Variants in CALCR observed in about 807,000 individuals in gnomAD.
The protein encoded by CALCR is calcitonin receptor.
A neutral mutation model predicts 59.5 loss-of-function variants in CALCR; 47 were observed. That is an observed-to-expected ratio of 0.79 (90% CI 0.63 to 1.01). CALCR has a LOEUF of 1.01. Ranked by LOEUF, CALCR falls within the 50% of genes least tolerant of loss-of-function variation. The pLI, the probability that CALCR is intolerant of heterozygous loss-of-function variation, is 0.00. For synonymous variants in CALCR, 213 were observed against 211.3 expected (o/e 1.01, Z -0.07); for missense variants, 566 against 597.1 (o/e 0.95, Z 0.54).
intron 2 of CALCR, among the ~76,000 whole-genome samples, chr7:93,504,400 T>C (rs969677155): frequency 1.3e-5 from 2 of 152,206 alleles, no homozygotes; most frequent in Admixed American, 1.3e-4. Flanking sequence ...GACCATGAGA[T>C]AGTTTCAATA....
At chr7:93,479,122 T>C (rs1324342784) in intron 4 of CALCR, among the ~76,000 whole-genome samples, 1 of 151,856 alleles carries the variant, frequency 6.6e-6, no homozygotes. Flanking sequence ...TACTGAATTA[T>C]TGCGGTAATT....
intron 8 of CALCR, among the ~76,000 whole-genome samples, chr7:93,447,848 A>G (rs1158202415): frequency 1.3e-5 from 2 of 151,994 alleles, no homozygotes; most frequent in Non-Finnish European, 2.9e-5. Flanking sequence ...GGAAGGGACT[A>G]CACACACATT....
chr7:93,473,219 C>T (rs1243628314), intron 5 of CALCR, among the ~76,000 whole-genome samples: 6 of 151,778 alleles, frequency 4.0e-5, no homozygotes, highest in Admixed American at 6.6e-5. Flanking sequence ...TCTCCACCTT[C>T]GCTATGGGGG....
chr7:93,509,656 G>T (rs756270227), intron 2 of CALCR, among the ~76,000 whole-genome samples: 2 of 152,066 alleles, frequency 1.3e-5, no homozygotes, highest in African/African-American at 2.4e-5. Context: ...AAATATAGAA[G>T]TTTCCAGTTT....
At chr7:93,477,310 A>G (rs1387809492) in intron 5 of CALCR, among the ~76,000 whole-genome samples, 2 of 151,900 alleles carry the variant, frequency 1.3e-5, no homozygotes, top group Admixed American at 6.6e-5. Context: ...AGAGTTTTAG[A>G]AAAGCTATTT....
At position 93,481,635 on chromosome 7, in the gene CALCR, G is replaced by A. The variant is rs536928073; in HGVS notation, c.52-2128C>T. On this transcript the variant is annotated intron_variant, in intron 3 of 13. Transcript: ENST00000426151. ...GGAGATGGTAGCAAGCCATCCTAGT[G>A]GAAATATCTTGCAAAGAGAAGAGGG... 3.3e-5 allele frequency among the ~76,000 whole-genome samples: 5 copies of A among 151,832 alleles called. No homozygotes were observed. The South Asian group carries it at 1.0e-3, about 32-fold the overall frequency.
At chr7:93,465,669 G>T (rs940968547) in intron 7 of CALCR, among the ~76,000 whole-genome samples, 5 of 151,792 alleles carry the variant, frequency 3.3e-5, no homozygotes, top group Non-Finnish European at 7.4e-5. Flanking sequence ...ATGCATAGAA[G>T]ATAAATTTTC....
chr7:93,564,463 A>ATT (rs1563022599), intron 2 of CALCR, among the ~76,000 whole-genome samples: 5 of 151,940 alleles, frequency 3.3e-5, no homozygotes, highest in African/African-American at 1.2e-4. Context: ...ACACTTTTAA[A>ATT]AAAAAAAAAA....
chr7:93,513,791 T>C (rs894344630), intron 2 of CALCR, among the ~76,000 whole-genome samples: 13 of 148,026 alleles, frequency 8.8e-5, no homozygotes, highest in Non-Finnish European at 2.0e-4. Context: ...ATATTTGTTT[T>C]TATTTATAAA....
At chr7:93,519,600 G>A (rs1198330440) in intron 2 of CALCR, among the ~76,000 whole-genome samples, 1 of 151,992 alleles carries the variant, frequency 6.6e-6, no homozygotes, top group Non-Finnish European at 1.5e-5. Flanking sequence ...AAATACCTTT[G>A]AAAGACATTT....
At chr7:93,559,203 C>T (rs1193388766) in intron 2 of CALCR, among the ~76,000 whole-genome samples, 7 of 152,060 alleles carry the variant, frequency 4.6e-5, no homozygotes, top group African/African-American at 1.7e-4. Flanking sequence ...ATTAGGCAAG[C>T]TTCTACCACA....
intron 2 of CALCR, among the ~76,000 whole-genome samples, chr7:93,514,170 A>G (rs1801605753): frequency 6.6e-6 from 1 of 152,128 alleles, no homozygotes; most frequent in Non-Finnish European, 1.5e-5. Context: ...TAGGCTGAAT[A>G]TAACTCCTAT....
rs377299582 is a variant in CALCR, at chr7:93,496,008, A to G, written c.-26-9001T>C. On this transcript the variant is annotated intron_variant, in intron 2 of 13. Transcript: ENST00000426151. ...AAATAAAATGAAAATCAGTAAATCA[A>G]TGATAATGATTGAACAGAATGTCTT... 75 of 1,167,750 alleles carry G rather than the reference A, an allele frequency of 6.4e-5. No homozygotes were observed. In the African/African-American group the frequency reaches 1.1e-3, roughly 17 times the overall value. 72.3% of individuals were successfully genotyped at this position (1,167,750 alleles called of 1,614,324 possible). A position where few individuals can be genotyped will look rare whatever the true frequency, so the allele number is the denominator to read the frequency against.
At chr7:93,569,666 A>G (rs1025943281) in intron 2 of CALCR, among the ~76,000 whole-genome samples, 4 of 152,128 alleles carry the variant, frequency 2.6e-5, no homozygotes, top group Non-Finnish European at 5.9e-5. Context: ...AGGATCTGTA[A>G]TCTGTCACAA....
intron 7 of CALCR, 80 bp downstream of exon 7, chr7:93,468,635 C>A: frequency 2.1e-6 from 2 of 941,138 alleles, no homozygotes; most frequent in Non-Finnish European, 1.7e-6. Context: ...CCCTTCCCCA[C>A]CTCCACTCTT....
chr7:93,454,916 T>TTG (rs4015273), intron 8 of CALCR, among the ~76,000 whole-genome samples: 9,240 of 144,896 alleles, frequency 0.064, 296 homozygotes, highest in East Asian at 0.11. Context: ...ACAGGGCATT[T>TTG]TGTGTGTGTG....
intron 2 of CALCR, among the ~76,000 whole-genome samples, chr7:93,557,355 T>A (rs1249424091): frequency 6.6e-6 from 1 of 151,834 alleles, no homozygotes; most frequent in Non-Finnish European, 1.5e-5. Flanking sequence ...CATTGTGGAA[T>A]GGCTAAATCA....
At chr7:93,526,070 T>G (rs1183065618) in intron 2 of CALCR, among the ~76,000 whole-genome samples, 1 of 152,194 alleles carries the variant, frequency 6.6e-6, no homozygotes, top group Non-Finnish European at 1.5e-5. Context: ...GACTTCTCAA[T>G]AAACTGTTTT....
chr7:93,507,923 A>G (rs1801461588), intron 2 of CALCR, among the ~76,000 whole-genome samples: 1 of 150,188 alleles, frequency 6.7e-6, no homozygotes. Context: ...ACTCCATCTC[A>G]AAAAAAAAGA....
Sources: gnomAD v4.1 joint callset for allele counts (sites outside exome capture counted in the v4.1 genomes callset) on GRCh38, gnomAD v4.1.1 for gene constraint, MANE v1.5 for transcripts, NCBI Gene and HGNC (gene_info 2026-07-23, HGNC 2026-07-21) for gene names.